Variants in PRKCE observed in about 807,000 individuals in gnomAD.
PRKCE encodes the protein protein kinase C epsilon type.
PRKCE carries 16 observed loss-of-function variants against 85.4 expected under a neutral mutation model. That is an observed-to-expected ratio of 0.19 (90% CI 0.13 to 0.28). The LOEUF is 0.28. Ranked by LOEUF, PRKCE falls within the 10% of genes least tolerant of loss-of-function variation. The pLI is 1.00. For missense variants in PRKCE, 573 were observed against 975.2 expected, an observed-to-expected ratio of 0.59 and a Z score of 5.49; for synonymous variants, 388 against 371.5, an observed-to-expected ratio of 1.04 and a Z score of -0.51.
At chr2:46,062,420 A>AT (rs1667232479) in intron 10 of PRKCE, among the ~76,000 whole-genome samples, 3 of 152,144 alleles carry the variant, frequency 2.0e-5, no homozygotes, top group Non-Finnish European at 4.4e-5. Context: ...TGTGCCCCTT[A>AT]GGAAGCCATG....
intron 7 of PRKCE, among the ~76,000 whole-genome samples, chr2:46,002,269 G>A (rs568575852): frequency 1.3e-5 from 2 of 152,336 alleles, no homozygotes; most frequent in African/African-American, 2.4e-5. Flanking sequence ...TAAGTTATGA[G>A]AAAATTAGAA....
intron 10 of PRKCE, chr2:46,010,881 A>T: frequency 6.7e-7 from 1 of 1,493,698 alleles, no homozygotes; most frequent in Non-Finnish European, 8.9e-7. Context: ...AGTTATTTTC[A>T]TGTCATATGA....
chr2:46,065,663 C>T (rs540188237), intron 10 of PRKCE, among the ~76,000 whole-genome samples: 1 of 152,222 alleles, frequency 6.6e-6, no homozygotes, highest in African/African-American at 2.4e-5. Context: ...GCTTTATCTT[C>T]CTAATCAAGA....
intron 6 of PRKCE, among the ~76,000 whole-genome samples, chr2:45,998,893 A>G (rs1257058175): frequency 6.6e-6 from 1 of 152,184 alleles, no homozygotes; most frequent in East Asian, 1.9e-4. Flanking sequence ...TGCATTTACA[A>G]CAAATCCAAA....
chr2:45,718,534 G>C (rs184548714), intron 1 of PRKCE, among the ~76,000 whole-genome samples: 2 of 152,048 alleles, frequency 1.3e-5, no homozygotes, highest in East Asian at 1.9e-4. Flanking sequence ...TGTAGAGATG[G>C]AGTCTCACCA....
intron 5 of PRKCE, among the ~76,000 whole-genome samples, 172 bp downstream of exon 5, chr2:45,980,553 G>A (rs777379261): frequency 2.6e-5 from 4 of 152,204 alleles, no homozygotes; most frequent in South Asian, 2.1e-4. Context: ...GACACCATCC[G>A]CAGGATGAGC....
At chr2:45,916,964 G>A (rs977738528) in intron 2 of PRKCE, among the ~76,000 whole-genome samples, 1 of 152,156 alleles carries the variant, frequency 6.6e-6, no homozygotes, top group African/African-American at 2.4e-5. Flanking sequence ...AGCTCATAAA[G>A]GCAGTGTGGA....
intron 13 of PRKCE, among the ~76,000 whole-genome samples, chr2:46,154,101 C>CT (rs1676948993): frequency 6.6e-6 from 1 of 152,114 alleles, no homozygotes; most frequent in African/African-American, 2.4e-5. Context: ...TGCAGGGCTT[C>CT]TTATGCCACG....
At chr2:46,131,627 G>A (rs1026111729) in intron 11 of PRKCE, among the ~76,000 whole-genome samples, 15 of 152,198 alleles carry the variant, frequency 9.9e-5, no homozygotes, top group Admixed American at 1.3e-4. Context: ...GCTCCTCAGG[G>A]ACAGCCTAGG....
chr2:45,905,823 T>C lies in PRKCE; in HGVS notation c.412+62760T>C, dbSNP rs1195050517. 6.6e-6 allele frequency among the ~76,000 whole-genome samples: 1 copy of C among 152,210 alleles called. No individual in the cohort carries two copies. Among genetic ancestry groups the C allele is most frequent in the Non-Finnish European group, 1.5e-5 (1 of 68,040 alleles). On this transcript the variant is annotated intron_variant, in intron 2 of 14. Transcript: ENST00000306156. This position sits in a 1 kb window ranked among gnomAD's most constrained non-coding sequence, Gnocchi z 4.4. The stretch of plus-strand genomic sequence containing the variant: ...CTGCTTACTCAACTCTGTACTCAGT[T>C]ACAAATTGGGTGAGATGTGGCTCCC...
chr2:45,757,305 CAAAAAAAAAAAAAAAA>C (rs35603923), intron 1 of PRKCE, among the ~76,000 whole-genome samples: 2 of 50,780 alleles, frequency 3.9e-5, no homozygotes, highest in Non-Finnish European at 6.9e-5. Context: ...AGACTGTCTC[CAAAAAAAAAAAAAAAA>C]AAAAAAAAAA....
chr2:46,021,909 A>G (rs1706700779), intron 10 of PRKCE, among the ~76,000 whole-genome samples: 1 of 152,186 alleles, frequency 6.6e-6, no homozygotes, highest in Non-Finnish European at 1.5e-5. Context: ...AGGGAAAGTC[A>G]TCTGGGGCCT....
intron 2 of PRKCE, among the ~76,000 whole-genome samples, chr2:45,903,597 G>T (rs1246360935): frequency 1.3e-5 from 2 of 151,430 alleles, no homozygotes; most frequent in East Asian, 3.8e-4. Context: ...TAGTTATAAA[G>T]AATTATTTTT....
chr2:45,899,635 G>A (rs1049288222), intron 2 of PRKCE, among the ~76,000 whole-genome samples: 3 of 152,036 alleles, frequency 2.0e-5, no homozygotes, highest in African/African-American at 4.8e-5. Flanking sequence ...TGCCTGCTTC[G>A]GCCTCCCAAA....
chr2:45,672,958 T>A (rs934831335), intron 1 of PRKCE, among the ~76,000 whole-genome samples: 1 of 152,104 alleles, frequency 6.6e-6, no homozygotes, highest in South Asian at 2.1e-4. Context: ...GCCCAGGAGT[T>A]TGAGGCTGTG....
At chr2:45,662,646 T>C (rs2103763139) in intron 1 of PRKCE, among the ~76,000 whole-genome samples, 1 of 151,404 alleles carries the variant, frequency 6.6e-6, no homozygotes, top group Admixed American at 6.6e-5. Flanking sequence ...TTTATTATTC[T>C]CCATGAAGTT....
Position 45,899,076 on chromosome 2 carries a change from C to T in PRKCE, c.412+56013C>T, listed in dbSNP as rs571862594. On this transcript the variant is annotated intron_variant, in intron 2 of 14. Coordinates refer to ENST00000306156, the MANE Select transcript of PRKCE (RefSeq NM_005400.3). The stretch of plus-strand genomic sequence containing the variant: ...TGTCCAATAGGCCATAGCGCCTTCT[C>T]TTTAGAATCCAAGTCCCGCAGGACA... Among the ~76,000 whole-genome samples, 15 of 152,340 alleles carry T rather than the reference C, an allele frequency of 9.8e-5. No individual in the cohort carries two copies. In the South Asian group the frequency reaches 1.7e-3, roughly 17 times the overall value.
chr2:45,745,155 A>G (rs1683036363), intron 1 of PRKCE, among the ~76,000 whole-genome samples: 1 of 152,070 alleles, frequency 6.6e-6, no homozygotes, highest in African/African-American at 2.4e-5. Flanking sequence ...TCCATCTTAC[A>G]ATTGTCCCTG....
chr2:45,964,365 A>G lies in PRKCE; in HGVS notation c.413-12064A>G, dbSNP rs79745250. 7.6e-3 allele frequency among the ~76,000 whole-genome samples: 1,153 copies of G among 152,294 alleles called. 22 individuals carry two copies. Among genetic ancestry groups the G allele is most frequent in the African/African-American group, 0.026 (1,088 of 41,562 alleles). On this transcript the variant is annotated intron_variant, in intron 2 of 14. Coordinates refer to ENST00000306156, the MANE Select transcript of PRKCE (RefSeq NM_005400.3). Reference sequence around the variant, plus strand: ...TGCTCAGGTGCCCGAGAATGCAGCAATTGCTCAGTTTCCTGTGATTCATCT... The same window carrying G: ...TGCTCAGGTGCCCGAGAATGCAGCAGTTGCTCAGTTTCCTGTGATTCATCT...
Sources: gnomAD v4.1 joint callset for allele counts (sites outside exome capture counted in the v4.1 genomes callset) on GRCh38, gnomAD v4.1.1 for gene constraint, Gnocchi (gnomAD v3.1) non-coding constraint, MANE v1.5 for transcripts, NCBI Gene and HGNC (gene_info 2026-07-23, HGNC 2026-07-21) for gene names.